The following SOAT1 variants were observed in gnomAD, a reference collection of about 807,000 sequenced individuals.
SOAT1 encodes acyl-coenzyme A:cholesterol acyltransferase 1.
SOAT1 carries 55 observed loss-of-function variants against 69.5 expected under a neutral mutation model. That is an observed-to-expected ratio of 0.79 (90% CI 0.64 to 0.99). The LOEUF (loss-of-function observed/expected upper bound fraction) is 0.99. SOAT1 is among the 50% of genes least tolerant of loss of function. The pLI, the probability that SOAT1 is intolerant of heterozygous loss-of-function variation, is 0.00. For missense variants in SOAT1, 580 were observed against 669.3 expected (o/e 0.87, Z 1.47); for synonymous variants, 231 against 224.7 (o/e 1.03, Z -0.25).
intron 1 of SOAT1, among the ~76,000 whole-genome samples, chr1:179,295,644 A>T (rs1051622409): frequency 6.6e-6 from 1 of 152,224 alleles, no homozygotes; most frequent in African/African-American, 2.4e-5. Context: ...ACAATAAGAC[A>T]TTTCGAGAGA....
chr1:179,351,464 T>C lies in SOAT1; in HGVS notation c.1596+2T>C. 5 of 1,611,654 alleles carry C rather than the reference T, an allele frequency of 3.1e-6. No individual in the cohort carries two copies. Among genetic ancestry groups the C allele is most frequent in the Non-Finnish European group, 4.2e-6 (5 of 1,179,340 alleles). The stretch of plus-strand genomic sequence containing the variant: ...CGTCAGCACTGTCCTCTGAAAAATG[T>C]GAGTCACCAACCTGGTTGGAGTGCA... On this transcript the variant is annotated splice_donor_variant, in intron 15 of 15. Coordinates refer to ENST00000367619, the MANE Select transcript of SOAT1 (RefSeq NM_003101.6). LOFTEE classifies it high-confidence loss of function.
chr1:179,299,703 A>G (rs1046469835), intron 1 of SOAT1, among the ~76,000 whole-genome samples: 2 of 150,994 alleles, frequency 1.3e-5, no homozygotes, highest in Non-Finnish European at 2.9e-5. Context: ...GGCTTGGGTA[A>G]TAAACTTTAA....
intron 1 of SOAT1, among the ~76,000 whole-genome samples, chr1:179,297,330 G>C (rs892191939): frequency 6.6e-6 from 1 of 152,004 alleles, no homozygotes; most frequent in Non-Finnish European, 1.5e-5. Context: ...AATATCCCAT[G>C]TCCTGTCCTT....
At position 179,353,605 on chromosome 1, in the gene SOAT1, C is replaced by T; in HGVS notation, c.1617C>T (p.Val539=). ...PLKNPTFLDY[V]RPRSWTCRYV... Reference sequence around the variant, plus strand: ...TGCAGCCCACATTTTTGGATTATGTCCGGCCACGTTCCTGGACTTGTCGTT... The same window carrying T: ...TGCAGCCCACATTTTTGGATTATGTTCGGCCACGTTCCTGGACTTGTCGTT... Residue 539 remains valine, a synonymous_variant, in exon 16 of 16, where the codon GTC becomes GTT. Transcript: ENST00000367619. 1 of 1,613,676 alleles carries T rather than the reference C, an allele frequency of 6.2e-7. No homozygotes were observed. The highest frequency in any genetic ancestry group is 2.2e-5 in the East Asian group (1 of 44,860).
intron 2 of SOAT1, among the ~76,000 whole-genome samples, chr1:179,319,850 A>G (rs370254399): frequency 6.6e-6 from 1 of 152,148 alleles, no homozygotes; most frequent in African/African-American, 2.4e-5. Flanking sequence ...TCCTGGGCTT[A>G]AGTGATCCTC....
intron 3 of SOAT1, among the ~76,000 whole-genome samples, chr1:179,332,614 T>C (rs1462000708): frequency 6.6e-6 from 1 of 152,100 alleles, no homozygotes; most frequent in Non-Finnish European, 1.5e-5. Flanking sequence ...GCTGTCAGAG[T>C]CCACTGGCTG....
intron 3 of SOAT1, among the ~76,000 whole-genome samples, chr1:179,324,752 A>C (rs1665719972): frequency 6.7e-6 from 1 of 149,934 alleles, no homozygotes; most frequent in Non-Finnish European, 1.5e-5. Context: ...ACTAACTTAT[A>C]ATTTTGGCTA....
chr1:179,341,423 T>C, intron 7 of SOAT1, 113 bp downstream of exon 7: 1 of 1,098,996 alleles, frequency 9.1e-7, no homozygotes, highest in Non-Finnish European at 1.3e-6. Flanking sequence ...TAAATTTTCA[T>C]ATATTGTTCT....
Position 179,358,529 on chromosome 1 carries a change from C to G in SOAT1, c.*4888C>G, listed in dbSNP as rs2125013608. On this transcript the variant is annotated 3_prime_UTR_variant, in exon 16 of 16. Transcript: ENST00000367619. ...TGCCAATTTTGGATTGGGAAAGGAG[C>G]TGAAGCCCCAGTCAAGACTTTGCCA... is the stretch of plus-strand genomic sequence containing the variant. 1 of 152,266 alleles carries G rather than the reference C, an allele frequency of 6.6e-6. No individual in the cohort carries two copies. Among genetic ancestry groups the G allele is most frequent in the South Asian group, 2.1e-4 (1 of 4,828 alleles). The allele number at this position is 152,266 out of a possible 1,614,324, so 9.4% of individuals were successfully genotyped here. A position where few individuals can be genotyped will look rare whatever the true frequency, so the allele number is the denominator to read the frequency against.
intron 1 of SOAT1, among the ~76,000 whole-genome samples, chr1:179,299,105 C>T (rs1359239866): frequency 6.6e-6 from 1 of 152,038 alleles, no homozygotes; most frequent in Admixed American, 6.6e-5. Context: ...TAACATGTGA[C>T]AGGATGCTCA....
chr1:179,325,106 G>T (rs1011498162), intron 3 of SOAT1, among the ~76,000 whole-genome samples: 1 of 147,226 alleles, frequency 6.8e-6, no homozygotes, highest in Non-Finnish European at 1.5e-5. Flanking sequence ...CGGCTGGCAC[G>T]TGCTAGTTTT....
At chr1:179,342,517 T>C (rs1214403224) in intron 8 of SOAT1, among the ~76,000 whole-genome samples, 1 of 152,136 alleles carries the variant, frequency 6.6e-6, no homozygotes, top group Non-Finnish European at 1.5e-5. Context: ...CTATTCCGGC[T>C]TTGCCCTTGA....
chr1:179,329,534 A>G (rs376037436), intron 3 of SOAT1, among the ~76,000 whole-genome samples: 61 of 152,172 alleles, frequency 4.0e-4, no homozygotes, highest in African/African-American at 1.4e-3. Flanking sequence ...CCTGACCAAC[A>G]TGGTGAAACC....
chr1:179,342,313 C>A lies in SOAT1; in HGVS notation c.859+121C>A, dbSNP rs1666367518. On this transcript the variant is annotated intron_variant, in intron 8 of 15. Transcript: ENST00000367619. ...CTTCCCTCCCTCCCTCTCTCTTTTTCTCTTTCTCTTTCTCTCTCTCTCTCT... is the reference window on the plus strand; with the variant it reads ...CTTCCCTCCCTCCCTCTCTCTTTTTATCTTTCTCTTTCTCTCTCTCTCTCT... 3.8e-5 allele frequency: 21 copies of A among 559,422 alleles called. 1 individual carries two copies. The East Asian group carries it at 6.2e-4, about 17-fold the overall frequency. 34.7% of individuals were successfully genotyped at this position (559,422 alleles called of 1,614,324 possible).
chr1:179,334,591 A>G lies in SOAT1; in HGVS notation c.178-915A>G, dbSNP rs147701362. Reference sequence around the variant, plus strand: ...GCATATGGATACCTAAACTACTCACATATGAATGTTACTTCAAGAAAAGAA... The same window carrying G: ...GCATATGGATACCTAAACTACTCACGTATGAATGTTACTTCAAGAAAAGAA... On this transcript the variant is annotated intron_variant, in intron 3 of 15. Transcript: ENST00000367619. Among the ~76,000 whole-genome samples the G allele has an allele frequency of 1.1e-4, 17 of 152,334 alleles. No individual in the cohort carries two copies. The East Asian group carries it at 1.2e-3, about 10-fold the overall frequency.
intron 7 of SOAT1, among the ~76,000 whole-genome samples, chr1:179,341,741 G>A (rs1303926528): frequency 6.6e-6 from 1 of 152,010 alleles, no homozygotes; most frequent in East Asian, 1.9e-4. Context: ...CACCATATTG[G>A]CTAGACTGGT....
intron 2 of SOAT1, among the ~76,000 whole-genome samples, chr1:179,316,032 A>G (rs953257058): frequency 7.2e-5 from 11 of 152,218 alleles, no homozygotes; most frequent in Admixed American, 5.2e-4. Flanking sequence ...AATATCTTAA[A>G]TTAATCCTCT....
At chr1:179,346,164 G>C (rs2152320) in intron 11 of SOAT1, among the ~76,000 whole-genome samples, 69,685 of 151,814 alleles carry the variant, frequency 0.46, 16,116 homozygotes, top group Non-Finnish European at 0.5. Flanking sequence ...TTATTTGAAT[G>C]AACTCTGTAT....
intron 2 of SOAT1, among the ~76,000 whole-genome samples, chr1:179,322,268 C>T (rs914174631): frequency 5.9e-5 from 9 of 152,100 alleles, no homozygotes; most frequent in Admixed American, 1.3e-4. Flanking sequence ...AGTAACAATT[C>T]CATTATCTTT....
Sources: allele counts gnomAD v4.1 joint callset (sites outside exome capture counted in the v4.1 genomes callset), GRCh38; gene constraint gnomAD v4.1.1; transcripts MANE v1.5; gene names NCBI Gene and HGNC (gene_info 2026-07-23, HGNC 2026-07-21).